NRG3: variants seen among roughly 807,000 people sequenced by gnomAD.
The protein encoded by NRG3 is neuregulin 3, also known as pro-neuregulin-3, membrane-bound isoform.
A neutral mutation model predicts 66.9 loss-of-function variants in NRG3; 31 were observed. The observed-to-expected ratio is 0.46, with a 90% confidence interval of 0.35 to 0.63. The LOEUF (loss-of-function observed/expected upper bound fraction) is 0.63, where lower values mean the gene tolerates loss of function less well. Ranked by LOEUF, NRG3 falls within the 20% of genes least tolerant of loss-of-function variation. The pLI is 0.00. For missense variants in NRG3, 910 were observed against 878.9 expected, an observed-to-expected ratio of 1.04 and a Z score of -0.45; for synonymous variants, 393 against 359.4, an observed-to-expected ratio of 1.09 and a Z score of -1.06.
intron 1 of NRG3, among the ~76,000 whole-genome samples, chr10:81,985,038 A>G (rs1240684059): frequency 6.6e-6 from 1 of 152,248 alleles, no homozygotes; most frequent in Non-Finnish European, 1.5e-5. Flanking sequence ...GTATGTAGAC[A>G]TATCAGGGAA....
At chr10:82,045,816 A>C (rs2063261207) in intron 1 of NRG3, among the ~76,000 whole-genome samples, 1 of 101,322 alleles carries the variant, frequency 9.9e-6, no homozygotes, top group South Asian at 4.3e-4. Flanking sequence ...ACCATTTATT[A>C]AATAGGGAAT....
chr10:82,314,224 A>AT lies in NRG3; in HGVS notation c.824-44515_824-44514insT, dbSNP rs2081181607. ...CCTATTTTCTCTCATTAGCTTGACA[A>AT]CAGAACTTTAATCCACATGAGTTGA... On this transcript the variant is annotated intron_variant, in intron 1 of 8. Coordinates refer to ENST00000372141, the MANE Select transcript of NRG3 (RefSeq NM_001010848.4). Among the ~76,000 whole-genome samples, 8 of 152,312 alleles carry AT rather than the reference A, an allele frequency of 5.3e-5. No individual in the cohort carries two copies. In the South Asian group the frequency reaches 1.7e-3, roughly 32 times the overall value.
chr10:82,651,174 A>G (rs1287703173), intron 2 of NRG3, among the ~76,000 whole-genome samples: 1 of 152,198 alleles, frequency 6.6e-6, no homozygotes, highest in African/African-American at 2.4e-5. Context: ...TGGTTAGAAG[A>G]AGATGACATG....
chr10:82,073,636 T>C (rs1256779070), intron 1 of NRG3, among the ~76,000 whole-genome samples: 1 of 152,196 alleles, frequency 6.6e-6, no homozygotes, highest in Admixed American at 6.5e-5. Context: ...GTACGATTTA[T>C]ATTATATAAT....
At chr10:82,254,443 T>G (rs2077619657) in intron 1 of NRG3, among the ~76,000 whole-genome samples, 1 of 152,158 alleles carries the variant, frequency 6.6e-6, no homozygotes, top group Admixed American at 6.5e-5. Context: ...TCTACAGTGC[T>G]TTGCCAACTA....
chr10:81,962,040 A>G (rs1162645536), intron 1 of NRG3, among the ~76,000 whole-genome samples: 1 of 152,238 alleles, frequency 6.6e-6, no homozygotes, highest in Non-Finnish European at 1.5e-5. Context: ...AACTCTGTGT[A>G]GGACCAAATA....
At chr10:82,705,894 A>G (rs745867636) in intron 2 of NRG3, among the ~76,000 whole-genome samples, 36 of 152,202 alleles carry the variant, frequency 2.4e-4, no homozygotes, top group Non-Finnish European at 4.6e-4. Context: ...CATACAATAT[A>G]TGAAAACACT....
chr10:82,955,953 T>A (rs1342094710), intron 5 of NRG3, among the ~76,000 whole-genome samples: 1 of 151,834 alleles, frequency 6.6e-6, no homozygotes, highest in Admixed American at 6.6e-5. Context: ...GCTTCAGAGC[T>A]CCCTCTGAGG....
chr10:82,591,557 A>G (rs2046983717), intron 2 of NRG3, among the ~76,000 whole-genome samples: 1 of 152,198 alleles, frequency 6.6e-6, no homozygotes, highest in African/African-American at 2.4e-5. Flanking sequence ...TTTCTTTTAA[A>G]TATGTCAAGG....
intron 2 of NRG3, among the ~76,000 whole-genome samples, chr10:82,544,198 A>C (rs1016410047): frequency 1.2e-4 from 18 of 152,206 alleles, no homozygotes; most frequent in African/African-American, 4.1e-4. Context: ...ACCTAGCATG[A>C]TGCTGATTTG....
intron 1 of NRG3, among the ~76,000 whole-genome samples, chr10:82,058,424 T>C (rs995349124): frequency 6.6e-6 from 1 of 151,984 alleles, no homozygotes; most frequent in African/African-American, 2.4e-5. Flanking sequence ...ATCTGATATT[T>C]CTTCTAGTTC....
intron 1 of NRG3, among the ~76,000 whole-genome samples, chr10:82,067,622 A>G (rs1414768000): frequency 6.6e-6 from 1 of 152,226 alleles, no homozygotes; most frequent in Non-Finnish European, 1.5e-5. Flanking sequence ...TGTTGGGATT[A>G]TAGGTGTGAG....
intron 5 of NRG3, among the ~76,000 whole-genome samples, chr10:82,957,904 G>A (rs1850229163): frequency 6.6e-6 from 1 of 151,916 alleles, no homozygotes. Flanking sequence ...GTGTGTGTGT[G>A]TGTGTGTGTG....
chr10:82,380,871 A>G (rs1169801985), intron 2 of NRG3, among the ~76,000 whole-genome samples: 4 of 152,146 alleles, frequency 2.6e-5, no homozygotes, highest in African/African-American at 9.7e-5. Context: ...AAATTTTGTA[A>G]TAACCCCTAA....
intron 2 of NRG3, among the ~76,000 whole-genome samples, chr10:82,540,502 T>TTG (rs771643042): frequency 6.6e-6 from 1 of 150,994 alleles, no homozygotes; most frequent in Non-Finnish European, 1.5e-5. Context: ...GGGGATGTGT[T>TTG]TGTGTGTGTG....
At chr10:81,987,065 A>G (rs147899861) in intron 1 of NRG3, among the ~76,000 whole-genome samples, 1 of 146,252 alleles carries the variant, frequency 6.8e-6, no homozygotes. Context: ...TATAGATGCC[A>G]TAGTGTGTGT....
At chr10:82,385,859 G>A (rs1172574053) in intron 2 of NRG3, among the ~76,000 whole-genome samples, 1 of 152,118 alleles carries the variant, frequency 6.6e-6, no homozygotes, top group Non-Finnish European at 1.5e-5. Context: ...CAAGCATAAT[G>A]TTTTAGCTAT....
intron 2 of NRG3, among the ~76,000 whole-genome samples, chr10:82,680,798 G>A (rs1185550941): frequency 6.6e-6 from 1 of 152,170 alleles, no homozygotes; most frequent in East Asian, 1.9e-4. Flanking sequence ...CAGTTTCAGT[G>A]GAATTCAATT....
At chr10:82,275,813 A>G (rs1222637515) in intron 1 of NRG3, among the ~76,000 whole-genome samples, 1 of 152,048 alleles carries the variant, frequency 6.6e-6, no homozygotes, top group Non-Finnish European at 1.5e-5. Context: ...TAGAATATAA[A>G]ATGTGCAGAA....
Sources: allele counts gnomAD v4.1 joint callset (sites outside exome capture counted in the v4.1 genomes callset), GRCh38; gene constraint gnomAD v4.1.1; transcripts MANE v1.5; gene names NCBI Gene and HGNC (gene_info 2026-07-23, HGNC 2026-07-21).